The following ST6GAL1 variants were observed in gnomAD, a reference collection of about 807,000 sequenced individuals.
ST6GAL1 encodes ST6 beta-galactoside alpha-2,6-sialyltransferase 1.
Under a neutral mutation model 38.0 loss-of-function variants are expected in ST6GAL1, and 20 were observed. That is an observed-to-expected ratio of 0.53 (90% CI 0.37 to 0.77). The LOEUF (loss-of-function observed/expected upper bound fraction) is 0.77. Ranked by LOEUF, ST6GAL1 falls within the 30% of genes least tolerant of loss-of-function variation. The pLI is 0.00. For synonymous variants in ST6GAL1, 196 were observed against 188.2 expected, an observed-to-expected ratio of 1.04 and a Z score of -0.34; for missense variants, 432 against 496.4, an observed-to-expected ratio of 0.87 and a Z score of 1.23.
chr3:187,063,931 A>G (rs906277174), intron 5 of ST6GAL1, among the ~76,000 whole-genome samples: 13 of 152,042 alleles, frequency 8.6e-5, no homozygotes, highest in African/African-American at 2.7e-4. Flanking sequence ...GGATCAAAGG[A>G]GTTACTATGT....
At chr3:187,039,695 C>T (rs984220739) in intron 3 of ST6GAL1, among the ~76,000 whole-genome samples, 9 of 152,238 alleles carry the variant, frequency 5.9e-5, no homozygotes, top group South Asian at 2.1e-4. Context: ...TCTTTTCCCT[C>T]GGTTGCGCCA....
intron 2 of ST6GAL1, among the ~76,000 whole-genome samples, chr3:187,011,001 C>T (rs1049844932): frequency 2.0e-5 from 3 of 152,196 alleles, no homozygotes; most frequent in South Asian, 2.1e-4. Flanking sequence ...TGTCTCTTGG[C>T]CGCCGGCTAA....
intron 2 of ST6GAL1, among the ~76,000 whole-genome samples, chr3:186,971,400 C>T (rs868601538): frequency 1.3e-5 from 2 of 152,304 alleles, no homozygotes; most frequent in South Asian, 2.1e-4. Flanking sequence ...GCCCCCCCAA[C>T]GTTAGCTGTT....
At chr3:186,975,334 C>G (rs1002027059) in intron 2 of ST6GAL1, among the ~76,000 whole-genome samples, 1 of 152,128 alleles carries the variant, frequency 6.6e-6, no homozygotes, top group Non-Finnish European at 1.5e-5. Flanking sequence ...AGCTGGACTT[C>G]AGGAGATTAA....
chr3:187,019,609 AGAAG>A (rs1479268618), intron 2 of ST6GAL1, among the ~76,000 whole-genome samples: 1 of 152,230 alleles, frequency 6.6e-6, no homozygotes, highest in African/African-American at 2.4e-5. Context: ...GGAAAGAGAA[AGAAG>A]GGTCAGCATT....
At position 187,057,778 on chromosome 3, in the gene ST6GAL1, C is replaced by T. The variant is rs114651025; in HGVS notation, c.705+6432C>T. ...GACCCACTTGAAGAGGCAATCTGTCCGTTCTCCGAGTTCAAACACCGTGCT... is the reference window on the plus strand; with the variant it reads ...GACCCACTTGAAGAGGCAATCTGTCTGTTCTCCGAGTTCAAACACCGTGCT... On this transcript the variant is annotated intron_variant, in intron 5 of 7. Coordinates refer to ENST00000169298, the MANE Select transcript of ST6GAL1 (RefSeq NM_173216.2). Among the ~76,000 whole-genome samples the T allele has an allele frequency of 5.8e-4, 88 of 152,302 alleles. 1 individual carries two copies. The highest frequency in any genetic ancestry group is 1.9e-3 in the African/African-American group (80 of 41,556).
intron 5 of ST6GAL1, among the ~76,000 whole-genome samples, chr3:187,054,229 A>G (rs1454744045): frequency 2.0e-5 from 3 of 152,174 alleles, no homozygotes; most frequent in Non-Finnish European, 2.9e-5. Context: ...TAAATATACA[A>G]TCATGTCATC....
intron 4 of ST6GAL1, among the ~76,000 whole-genome samples, chr3:187,049,707 C>T (rs545582688): frequency 1.3e-5 from 2 of 152,306 alleles, no homozygotes; most frequent in African/African-American, 4.8e-5. Context: ...TTATGAATCT[C>T]TCAATTACTC....
intron 2 of ST6GAL1, among the ~76,000 whole-genome samples, chr3:187,017,831 G>A (rs1490257815): frequency 6.6e-6 from 1 of 152,200 alleles, no homozygotes; most frequent in Non-Finnish European, 1.5e-5. Context: ...AATTCCTGGA[G>A]GACATGATAT....
intron 4 of ST6GAL1, among the ~76,000 whole-genome samples, chr3:187,046,221 A>C (rs1718291137): frequency 1.3e-5 from 2 of 152,256 alleles, no homozygotes; most frequent in African/African-American, 4.8e-5. Flanking sequence ...AGTAAGAGGC[A>C]GAACTTACTA....
rs762707321 is a variant in ST6GAL1, at chr3:187,075,802, A to G, written c.1220A>G (p.Ter407=). Residue 407 remains the stop codon, a stop_retained_variant, in exon 8 of 8, where the codon TAA becomes TGA. Transcript: ENST00000169298. The surrounding 1 kb of genome is among the most constrained non-coding windows in gnomAD (Gnocchi z 4.1). ...CCTGGCTTCCGGACCATTCACTGCT[A>G]AGCACAGGCTCCTCACTCTTCTCCA... The part of the protein sequence containing the change: ...TLPGFRTIHC[*] 1.2e-6 allele frequency: 2 copies of G among 1,614,128 alleles called. No individual in the cohort carries two copies. The highest frequency in any genetic ancestry group is 8.5e-7 in the Non-Finnish European group (1 of 1,179,980).
chr3:186,991,206 T>A (rs1716157203), intron 2 of ST6GAL1, among the ~76,000 whole-genome samples: 1 of 152,064 alleles, frequency 6.6e-6, no homozygotes, highest in Non-Finnish European at 1.5e-5. Flanking sequence ...TGGAGTGTGG[T>A]TCTCCCAGAG....
At chr3:187,067,681 ACCTGACC>A (rs1719216177) in intron 5 of ST6GAL1, among the ~76,000 whole-genome samples, 1 of 152,126 alleles carries the variant, frequency 6.6e-6, no homozygotes, top group Non-Finnish European at 1.5e-5. Flanking sequence ...ACTGAGGGTG[ACCTGACC>A]CTCATGGTGT....
Position 186,980,603 on chromosome 3 carries a change from C to CAAAA in ST6GAL1, c.-183+16696_-183+16699dup, listed in dbSNP as rs34503745. On this transcript the variant is annotated intron_variant, in intron 2 of 7. Transcript: ENST00000169298. ...TGAAACCCATTCTCTACTAAAATTA[C>CAAAA]AAAAAAAAAAAAAAAAAAAAAATTA... Among the ~76,000 whole-genome samples the CAAAA allele has an allele frequency of 1.9e-3, 175 of 92,150 alleles. 1 individual carries two copies. Among genetic ancestry groups the CAAAA allele is most frequent in the South Asian group, 0.013 (35 of 2,626 alleles). 60.5% of individuals were successfully genotyped at this position (92,150 alleles called of 152,430 possible). A position where few individuals can be genotyped will look rare whatever the true frequency, so the allele number is the denominator to read the frequency against.
intron 3 of ST6GAL1, among the ~76,000 whole-genome samples, chr3:187,041,374 G>A (rs992071838): frequency 2.0e-5 from 3 of 152,160 alleles, no homozygotes; most frequent in Admixed American, 6.5e-5. Flanking sequence ...GCAAAACCCC[G>A]GAGGTGATTG....
At chr3:186,961,829 A>T (rs1714945409) in intron 1 of ST6GAL1, among the ~76,000 whole-genome samples, 1 of 152,130 alleles carries the variant, frequency 6.6e-6, no homozygotes, top group Non-Finnish European at 1.5e-5. Context: ...TGGAGAGTGG[A>T]GTCTTCCTTC....
At chr3:186,988,134 G>A (rs1226742094) in intron 2 of ST6GAL1, among the ~76,000 whole-genome samples, 1 of 152,328 alleles carries the variant, frequency 6.6e-6, no homozygotes, top group East Asian at 1.9e-4. Context: ...GACATTGGTT[G>A]TGGTGGTAAT....
At chr3:187,033,948 A>T (rs1371355366) in intron 2 of ST6GAL1, among the ~76,000 whole-genome samples, 1 of 152,188 alleles carries the variant, frequency 6.6e-6, no homozygotes, top group East Asian at 1.9e-4. Context: ...AAAAATCCAT[A>T]CAAAGAATCA....
chr3:187,023,167 T>A (rs1291306584), intron 2 of ST6GAL1, among the ~76,000 whole-genome samples: 1 of 152,168 alleles, frequency 6.6e-6, no homozygotes, highest in Non-Finnish European at 1.5e-5. Context: ...TTATTTTTGG[T>A]TTACACCTCC....
Sources: allele counts gnomAD v4.1 joint callset (sites outside exome capture counted in the v4.1 genomes callset), GRCh38; gene constraint gnomAD v4.1.1; non-coding constraint Gnocchi (gnomAD v3.1); transcripts MANE v1.5; gene names NCBI Gene and HGNC (gene_info 2026-07-23, HGNC 2026-07-21).